FYCO1: variants seen among roughly 807,000 people sequenced by gnomAD.
FYCO1 encodes the protein FYVE and coiled-coil domain-containing protein 1.
FYCO1 carries 122 observed loss-of-function variants against 165.1 expected under a neutral mutation model. That is an observed-to-expected ratio of 0.74 (90% confidence interval 0.64 to 0.86). The LOEUF (loss-of-function observed/expected upper bound fraction) is 0.86, where lower values mean the gene tolerates loss of function less well. Ranked by LOEUF, FYCO1 falls within the 40% of genes least tolerant of loss-of-function variation. The probability of loss-of-function intolerance (pLI) is 0.00; values close to 1 mark genes in which losing one functional copy is unlikely to be tolerated. For synonymous variants in FYCO1, 648 were observed against 742.5 expected (o/e 0.87, Z 2.07); for missense variants, 1,702 against 1,810.3 (o/e 0.94, Z 1.09).
chr3:45,988,508 G>A (rs929401613), intron 1 of FYCO1, among the ~76,000 whole-genome samples: 1 of 152,174 alleles, frequency 6.6e-6, no homozygotes, highest in Non-Finnish European at 1.5e-5. Flanking sequence ...TACCACGGCT[G>A]CCCCAGCACC....
rs1450055345 is a variant in FYCO1 at position 45,966,397 on chromosome 3, C to T, written c.2937G>A (p.Gln979=). The T allele has an allele frequency of 3.7e-6, 6 of 1,613,710 alleles. No homozygotes were observed. In the African/African-American group the frequency reaches 4.0e-5, roughly 11 times the overall value. ...KAAAGSLPGL[Q]AQLAQAEQRA... ...GCTGCTCTGCCTGGGCGAGCTGGGC[C>T]TGCAGGCCAGGCAGTGAGCCGGCTG... The change falls in exon 8 of 18, where the codon CAG becomes CAA. Residue 979 remains glutamine, a synonymous_variant. Transcript: ENST00000296137.
rs1026299651 is a variant in FYCO1, at chr3:45,967,474, C to G, written c.1860G>C (p.Glu620Asp). The change falls in exon 8 of 18, where the codon GAG becomes GAC. Residue 620 changes from glutamate to aspartate, a missense_variant. By Grantham distance (45) the Glu-to-Asp change is conservative. Coordinates refer to ENST00000296137, the MANE Select transcript of FYCO1 (RefSeq NM_024513.4). The part of the protein sequence containing the change: ...QEEELRQANR[E>D]LEKELQNVVG... ...CCACATTCTGTAGCTCCTTCTCCAG[C>G]TCCCTGTTGGCCTGCCGGAGCTCTT... The G allele has an allele frequency of 1.2e-6, 2 of 1,613,612 alleles. No individual in the cohort carries two copies. Among genetic ancestry groups the G allele is most frequent in the African/African-American group, 2.7e-5 (2 of 74,938 alleles).
chr3:45,969,778 A>C lies in FYCO1; in HGVS notation c.540-13T>G. Reference sequence around the variant, plus strand: ...GGTCAGCGTCCTCCTGTGGGGCCACAAAACAGACATACCTGTATTCAGAGC... The same window carrying C: ...GGTCAGCGTCCTCCTGTGGGGCCACCAAACAGACATACCTGTATTCAGAGC... On this transcript the variant is annotated splice_polypyrimidine_tract_variant and intron_variant, in intron 6 of 17. Transcript: ENST00000296137. The C allele has an allele frequency of 6.2e-7, 1 of 1,610,096 alleles. No homozygotes were observed. The highest frequency in any genetic ancestry group is 8.5e-7 in the Non-Finnish European group (1 of 1,177,170).
chr3:45,975,130 C>T, intron 5 of FYCO1, 109 bp downstream of exon 5: 3 of 823,922 alleles, frequency 3.6e-6, no homozygotes, highest in Non-Finnish European at 6.5e-6. Context: ...TCTGCAGTGT[C>T]ACGGGGGACA....
chr3:45,957,409 C>T (rs1353022189), intron 13 of FYCO1, among the ~76,000 whole-genome samples: 1 of 152,204 alleles, frequency 6.6e-6, no homozygotes, highest in Non-Finnish European at 1.5e-5. Context: ...CATTGGACCT[C>T]ATTAAAATGA....
chr3:45,966,547 A>G lies in FYCO1; in HGVS notation c.2787T>C (p.Ala929=). The G allele has an allele frequency of 6.2e-7, 1 of 1,614,170 alleles. No homozygotes were observed. Among genetic ancestry groups the G allele is most frequent in the Non-Finnish European group, 8.5e-7 (1 of 1,180,032 alleles). The change falls in exon 8 of 18, where the codon GCT becomes GCC. Residue 929 remains alanine (A), a synonymous_variant. Coordinates refer to ENST00000296137, the MANE Select transcript of FYCO1 (RefSeq NM_024513.4). ...CTTTGGCGTCCTGGAGCTCCTGGAC[A>G]GCACAGGCCAGTGCCTCCTCCACTC... ...KERVEEALAC[A]VQELQDAKEA...
At position 45,946,488 on chromosome 3, in the gene FYCO1, G is replaced by A. The variant is rs2234355; in HGVS notation, c.3944+8761C>T. The A allele has an allele frequency of 0.024, 39,359 of 1,612,094 alleles. 7,714 individuals are homozygous for A. The African/African-American group carries it at 0.44, about 18-fold the overall frequency. On this transcript the variant is annotated intron_variant, in intron 14 of 17. Coordinates refer to ENST00000296137, the MANE Select transcript of FYCO1 (RefSeq NM_024513.4). Reference sequence around the variant, plus strand: ...GTTCATCAGAACAGACACCATGGCAGAGCATGATTACCATGAAGACTATGG... The same window carrying A: ...GTTCATCAGAACAGACACCATGGCAAAGCATGATTACCATGAAGACTATGG...
intron 14 of FYCO1, chr3:45,946,828 C>T: frequency 6.2e-7 from 1 of 1,614,220 alleles, no homozygotes; most frequent in Non-Finnish European, 8.5e-7. Context: ...TTCTACACGT[C>T]CATGCTCATC....
chr3:45,931,607 A>G (rs991551597), intron 15 of FYCO1, among the ~76,000 whole-genome samples: 11 of 152,228 alleles, frequency 7.2e-5, no homozygotes, highest in Non-Finnish European at 1.5e-4. Context: ...CACGGCCCTC[A>G]TGGACAGGAA....
chr3:45,934,381 T>C (rs1446900661), intron 15 of FYCO1, among the ~76,000 whole-genome samples: 3 of 152,024 alleles, frequency 2.0e-5, no homozygotes, highest in East Asian at 1.9e-4. Flanking sequence ...AAGAAAAAAC[T>C]TGAAAGCAGG....
At chr3:45,955,019 A>C (rs1705230594) in intron 14 of FYCO1, among the ~76,000 whole-genome samples, 1 of 152,226 alleles carries the variant, frequency 6.6e-6, no homozygotes, top group African/African-American at 2.4e-5. Context: ...AGGCCTTAAT[A>C]GTGATGCTGA....
intron 6 of FYCO1, 31 bp from the exon 7 acceptor site, chr3:45,969,796 T>C: frequency 3.1e-6 from 5 of 1,592,008 alleles, no homozygotes; most frequent in Non-Finnish European, 4.3e-6. Context: ...CATACCTGTA[T>C]TCAGAGCAGG....
At chr3:45,977,317 C>T (rs189035141) in intron 4 of FYCO1, among the ~76,000 whole-genome samples, 3 of 95,296 alleles carry the variant, frequency 3.1e-5, no homozygotes. Context: ...ACATTTGAGG[C>T]TATACTTTTA....
intron 6 of FYCO1, among the ~76,000 whole-genome samples, chr3:45,971,453 G>A (rs1706440012): frequency 6.6e-6 from 1 of 152,190 alleles, no homozygotes; most frequent in African/African-American, 2.4e-5. Flanking sequence ...TACAAAGGAA[G>A]AAATAGTAAC....
intron 3 of FYCO1, among the ~76,000 whole-genome samples, chr3:45,980,386 AG>A (rs1706987015): frequency 1.3e-5 from 2 of 152,070 alleles, no homozygotes; most frequent in South Asian, 4.1e-4. Flanking sequence ...AAGAGTCTTA[AG>A]GGCAATATGA....
chr3:45,978,113 AAAG>A (rs1214618461), intron 4 of FYCO1, among the ~76,000 whole-genome samples: 1 of 152,252 alleles, frequency 6.6e-6, no homozygotes, highest in African/African-American at 2.4e-5. Context: ...CATTATGAGA[AAAG>A]AAGAAGAAAC....
rs1707644900 is a variant in FYCO1, at chr3:45,993,303, T to A, written c.-113+2419A>T. Among the ~76,000 whole-genome samples, 1 of 152,204 alleles carries A rather than the reference T, an allele frequency of 6.6e-6. No individual in the cohort carries two copies. The highest frequency in any genetic ancestry group is 2.1e-4 in the South Asian group (1 of 4,832). ...AGGGATAAAACTGCTCTTGCCTAACTGAGCACAGCTTCTGCCATCATCCTC... is the reference window on the plus strand; with the variant it reads ...AGGGATAAAACTGCTCTTGCCTAACAGAGCACAGCTTCTGCCATCATCCTC... On this transcript the variant is annotated intron_variant, in intron 1 of 17. Transcript: ENST00000296137. The surrounding 1 kb of genome is among the most constrained non-coding windows in gnomAD (Gnocchi z 4.4).
rs906859253 is a variant in FYCO1, at chr3:45,921,630, A to G, written c.*135T>C. The G allele has an allele frequency of 5.6e-6, 4 of 711,060 alleles. No individual in the cohort carries two copies. The highest frequency in any genetic ancestry group is 7.7e-6 in the Non-Finnish European group (3 of 387,604). 44.0% of individuals were successfully genotyped at this position (711,060 alleles called of 1,614,324 possible). A position where few individuals can be genotyped will look rare whatever the true frequency, so the allele number is the denominator to read the frequency against. ...GCTGAGCACAAAGTCCTCCCCAGAC[A>G]CCGCCTCTGAGGGGCAGCCCAGGGG... On this transcript the variant is annotated 3_prime_UTR_variant, in exon 18 of 18. Coordinates refer to ENST00000296137, the MANE Select transcript of FYCO1 (RefSeq NM_024513.4).
chr3:45,933,394 C>T (rs4683152), intron 15 of FYCO1, among the ~76,000 whole-genome samples: 51,984 of 152,024 alleles, frequency 0.34, 10,663 homozygotes, highest in East Asian at 0.66. Context: ...TTGTCATTCT[C>T]CTTGCATTTT....
Sources: gnomAD v4.1 joint callset for allele counts (sites outside exome capture counted in the v4.1 genomes callset) on GRCh38, gnomAD v4.1.1 for gene constraint, Gnocchi (gnomAD v3.1) non-coding constraint, MANE v1.5 for transcripts, NCBI Gene and HGNC (gene_info 2026-07-23, HGNC 2026-07-21) for gene names.